Variants in CUL1 observed in about 807,000 individuals in gnomAD.
CUL1 encodes the protein cullin 1, also known as cullin-1.
A neutral mutation model predicts 118.0 loss-of-function variants in CUL1; 24 were observed. That is an observed-to-expected ratio of 0.20 (90% confidence interval 0.15 to 0.29). CUL1 has a LOEUF of 0.29. Ranked by LOEUF, CUL1 falls within the 10% of genes least tolerant of loss-of-function variation. CUL1 has a pLI of 1.00. For synonymous variants in CUL1, 332 were observed against 340.4 expected, an observed-to-expected ratio of 0.98 and a Z score of 0.27; for missense variants, 361 against 933.8, an observed-to-expected ratio of 0.39 and a Z score of 7.99.
intron 2 of CUL1, among the ~76,000 whole-genome samples, chr7:148,748,214 A>G (rs1799364672): frequency 6.6e-6 from 1 of 152,224 alleles, no homozygotes; most frequent in Admixed American, 6.5e-5. Context: ...TAACAGTATG[A>G]AACAGTTTAC....
At chr7:148,786,927 A>T in intron 12 of CUL1, 62 bp from the exon 13 acceptor site, 1 of 1,562,996 alleles carries the variant, frequency 6.4e-7, no homozygotes, top group Non-Finnish European at 8.6e-7. Flanking sequence ...GGTGACAGTC[A>T]GCTCTGCACT....
chr7:148,796,932 A>G (rs1317659513), intron 17 of CUL1, among the ~76,000 whole-genome samples: 2 of 152,064 alleles, frequency 1.3e-5, no homozygotes, highest in East Asian at 1.9e-4. Context: ...GTATCCTCAG[A>G]CCAGAATGGG....
chr7:148,739,509 A>G (rs1183435575), intron 2 of CUL1, among the ~76,000 whole-genome samples: 3 of 152,144 alleles, frequency 2.0e-5, no homozygotes, highest in Non-Finnish European at 4.4e-5. Flanking sequence ...ACCTTTTTAT[A>G]TGCTCGTTGA....
Position 148,760,317 on chromosome 7 carries a change from T to C in CUL1, c.626-16T>C. 1 of 1,594,558 alleles carries C rather than the reference T, an allele frequency of 6.3e-7. No individual in the cohort carries two copies. The highest frequency in any genetic ancestry group is 8.5e-7 in the Non-Finnish European group (1 of 1,172,582). On this transcript the variant is annotated splice_polypyrimidine_tract_variant and intron_variant, in intron 6 of 21. Transcript: ENST00000325222. Reference sequence around the variant, plus strand: ...AAAAATAGGGTAATTGAAATATAGCTCATATTCATTTCTAGTGGAATTGGG... The same window carrying C: ...AAAAATAGGGTAATTGAAATATAGCCCATATTCATTTCTAGTGGAATTGGG...
chr7:148,787,038 A>T lies in CUL1; in HGVS notation c.1397A>T (p.Tyr466Phe), dbSNP rs973384269. 2 of 1,613,304 alleles carry T rather than the reference A, an allele frequency of 1.2e-6. No individual in the cohort carries two copies. Among genetic ancestry groups the T allele is most frequent in the African/African-American group, 2.7e-5 (2 of 74,866 alleles). The change falls in exon 13 of 22, where the codon TAT (tyrosine) becomes TTT (phenylalanine). Residue 466 changes from tyrosine (Y) to phenylalanine (F), a missense_variant. By Grantham distance (22) the Tyr-to-Phe change is conservative. This residue lies in a region of CUL1 where 169 missense variants were observed against 429.7 expected (regional missense o/e 0.39). Transcript: ENST00000325222. This position sits in a 1 kb window ranked among gnomAD's most constrained non-coding sequence, Gnocchi z 5.5. ...GACAAAGACGTATTTCAGAAGTTCT[A>T]TGCGAAGATGCTCGCCAAGAGGCTC... ...IEDKDVFQKF[Y>F]AKMLAKRLVH...
chr7:148,796,990 C>T (rs1231856630), intron 17 of CUL1, among the ~76,000 whole-genome samples: 2 of 152,122 alleles, frequency 1.3e-5, no homozygotes, highest in African/African-American at 2.4e-5. Flanking sequence ...TGTAAGAGTC[C>T]GTGTGACTCT....
In CUL1 at chr7:148,783,699, A is replaced by G. The variant is rs541202222; in HGVS notation, c.1084-84A>G. The stretch of plus-strand genomic sequence containing the variant: ...ATCTATAGCTTTTAGAATATTTTGT[A>G]TGCTAGTACATGCATTGTATACCTT... On this transcript the variant is annotated intron_variant, in intron 9 of 21. Coordinates refer to ENST00000325222, the MANE Select transcript of CUL1 (RefSeq NM_003592.3). The G allele has an allele frequency of 1.2e-4, 197 of 1,577,146 alleles. 4 individuals are homozygous for G. The South Asian group carries it at 2.1e-3, about 17-fold the overall frequency.
chr7:148,733,131 C>T (rs1798819538), intron 2 of CUL1, among the ~76,000 whole-genome samples: 1 of 152,010 alleles, frequency 6.6e-6, no homozygotes, highest in Admixed American at 6.6e-5. Flanking sequence ...CAGTCTGACT[C>T]TAGAATTGCC....
intron 1 of CUL1, among the ~76,000 whole-genome samples, chr7:148,727,489 CTGTA>C (rs771118079): frequency 2.3e-4 from 35 of 152,284 alleles, no homozygotes; most frequent in Middle Eastern, 3.4e-3. Context: ...ATGCCAGGCT[CTGTA>C]TGAGGTTCTC....
intron 2 of CUL1, among the ~76,000 whole-genome samples, chr7:148,735,229 T>C (rs1798899514): frequency 6.6e-6 from 1 of 152,212 alleles, no homozygotes; most frequent in Non-Finnish European, 1.5e-5. Context: ...TCGTGATTGC[T>C]GGGGGTCGGG....
chr7:148,698,004 A>T (rs1010117298), upstream of CUL1: 1 of 152,260 alleles, frequency 6.6e-6, no homozygotes. Flanking sequence ...GGATAGAGTG[A>T]ATGTCAAAAT....
intron 1 of CUL1, among the ~76,000 whole-genome samples, chr7:148,708,291 T>G (rs1393911833): frequency 1.3e-5 from 2 of 152,186 alleles, no homozygotes; most frequent in Non-Finnish European, 2.9e-5. Flanking sequence ...AACTGATCTC[T>G]TTTTTGCTCC....
At chr7:148,714,303 G>T (rs916357313) in intron 1 of CUL1, among the ~76,000 whole-genome samples, 2 of 152,080 alleles carry the variant, frequency 1.3e-5, no homozygotes, top group African/African-American at 4.8e-5. Context: ...ACATTTTTTT[G>T]TGGTAAGAAC....
chr7:148,752,654 T>G (rs1563159301), intron 2 of CUL1, among the ~76,000 whole-genome samples: 1 of 152,188 alleles, frequency 6.6e-6, no homozygotes, highest in African/African-American at 2.4e-5. Flanking sequence ...TTGAATTTAT[T>G]TATTTATTTT....
At chr7:148,747,962 A>C (rs538374194) in intron 2 of CUL1, among the ~76,000 whole-genome samples, 1 of 152,218 alleles carries the variant, frequency 6.6e-6, no homozygotes, top group Non-Finnish European at 1.5e-5. Context: ...GAAAATAGAA[A>C]GGGGACCGGA....
chr7:148,777,954 T>C (rs1011881664), intron 9 of CUL1, among the ~76,000 whole-genome samples: 4 of 149,924 alleles, frequency 2.7e-5, no homozygotes, highest in African/African-American at 9.8e-5. Flanking sequence ...TCTCAGCTAC[T>C]TGGGAGGCTG....
intron 1 of CUL1, among the ~76,000 whole-genome samples, chr7:148,700,757 A>T (rs148995821): frequency 9.9e-4 from 151 of 152,204 alleles, no homozygotes; most frequent in African/African-American, 3.5e-3. Context: ...TTTTTTTCTC[A>T]TTGGCTTCAT....
intron 9 of CUL1, among the ~76,000 whole-genome samples, chr7:148,774,325 T>C (rs1307612725): frequency 6.6e-6 from 1 of 152,170 alleles, no homozygotes; most frequent in Non-Finnish European, 1.5e-5. Flanking sequence ...AAAAGCATGG[T>C]AGTGCCGTGG....
intron 1 of CUL1, among the ~76,000 whole-genome samples, chr7:148,710,305 T>TAGCTC (rs1798009704): frequency 1.3e-5 from 2 of 151,458 alleles, no homozygotes; most frequent in African/African-American, 4.9e-5. Context: ...CCGGGCGCGG[T>TAGCTC]ACGCCTGTAA....
Sources: allele counts gnomAD v4.1 joint callset (sites outside exome capture counted in the v4.1 genomes callset), GRCh38; gene constraint gnomAD v4.1.1; regional missense constraint gnomAD v4.1.1; non-coding constraint Gnocchi (gnomAD v3.1); transcripts MANE v1.5; gene names NCBI Gene and HGNC (gene_info 2026-07-23, HGNC 2026-07-21).